The following PROCR variants were observed in gnomAD, a reference collection of about 807,000 sequenced individuals.
PROCR encodes protein C receptor.
A neutral mutation model predicts 24.2 loss-of-function variants in PROCR; 22 were observed. The observed-to-expected ratio is 0.91, with a 90% CI of 0.65 to 1.30. The LOEUF is 1.30. Among genes scored for constraint, PROCR ranks in the 50% most tolerant of loss-of-function variants. The pLI is 0.00. For missense variants in PROCR, 288 were observed against 307.7 expected (o/e 0.94, Z 0.48); for synonymous variants, 137 against 139.2 (o/e 0.98, Z 0.11).
chr20:35,177,381 T>C (rs2086031200), downstream of PROCR: 1 of 983,550 alleles, frequency 1.0e-6, no homozygotes, highest in Non-Finnish European at 1.2e-6. Flanking sequence ...TCCTCCACTT[T>C]GCAAAATTTC....
At chr20:35,176,127 C>T (rs1182284534) in intron 2 of PROCR, 41 bp from the exon 3 acceptor site, 1 of 1,598,818 alleles carries the variant, frequency 6.3e-7, no homozygotes, top group Non-Finnish European at 8.6e-7. Context: ...CACCTGGCAC[C>T]CTCTCTGCAC....
intron 1 of PROCR, among the ~76,000 whole-genome samples, chr20:35,209,396 C>G (rs916185418): frequency 6.6e-6 from 1 of 151,928 alleles, no homozygotes; most frequent in Non-Finnish European, 1.5e-5. Context: ...GGGAATCCCA[C>G]GAGACATTAA....
At chr20:35,183,359 C>T (rs1347624181) in intron 1 of PROCR, among the ~76,000 whole-genome samples, 2 of 152,020 alleles carry the variant, frequency 1.3e-5, no homozygotes, top group Non-Finnish European at 2.9e-5. Flanking sequence ...CACATGAGAT[C>T]TCGTTGTTTA....
At chr20:35,171,800 A>G (rs2085952650), upstream of PROCR, among the ~76,000 whole-genome samples, 1 of 152,008 alleles carries the variant, frequency 6.6e-6, no homozygotes, top group African/African-American at 2.4e-5. Context: ...CCCCTGAGTC[A>G]GCGCCGGCAG....
At chr20:35,181,024 G>A (rs2086073873), downstream of PROCR, among the ~76,000 whole-genome samples, 2 of 151,650 alleles carry the variant, frequency 1.3e-5, no homozygotes, top group South Asian at 2.1e-4. Flanking sequence ...GTGCCACCAC[G>A]CCCGGCTAAT....
intron 2 of PROCR, among the ~76,000 whole-genome samples, chr20:35,175,296 G>A (rs2086000621): frequency 6.6e-6 from 1 of 150,970 alleles, no homozygotes; most frequent in African/African-American, 2.4e-5. Flanking sequence ...ATAGATCTCC[G>A]TCCTTCCCTT....
At position 35,199,504 on chromosome 20, in the gene PROCR, A is replaced by G. The variant is rs1257282263; in HGVS notation, c.95-16389A>G. ...AGTGGCTCACGCCTGTAATCCCAGC[A>G]CTTTGAGAGGCCGAGGTGGGCGGAT... On this transcript the variant is annotated intron_variant, in intron 1 of 1. Transcript: ENST00000634509. Among the ~76,000 whole-genome samples, 3 of 152,148 alleles carry G rather than the reference A, an allele frequency of 2.0e-5. No homozygotes were observed. The East Asian group carries it at 5.8e-4, about 29-fold the overall frequency.
chr20:35,179,407 A>G (rs544792900), downstream of PROCR, among the ~76,000 whole-genome samples: 1 of 151,986 alleles, frequency 6.6e-6, no homozygotes, highest in African/African-American at 2.4e-5. Flanking sequence ...TTAGCTGGGC[A>G]TGGTGGTGTG....
At chr20:35,212,225 G>T (rs1437091950) in intron 1 of PROCR, among the ~76,000 whole-genome samples, 1 of 152,120 alleles carries the variant, frequency 6.6e-6, no homozygotes, top group Non-Finnish European at 1.5e-5. Context: ...AAAAGAGATG[G>T]CAGTGGAAGG....
At chr20:35,210,162 G>C (rs991079172) in intron 1 of PROCR, among the ~76,000 whole-genome samples, 2 of 152,084 alleles carry the variant, frequency 1.3e-5, no homozygotes. Context: ...GGAGTTCAAG[G>C]CTGCAGTGAG....
chr20:35,188,950 C>CTCT, intron 1 of PROCR, among the ~76,000 whole-genome samples: 1 of 152,306 alleles, frequency 6.6e-6, no homozygotes, highest in Non-Finnish European at 1.5e-5. Context: ...TTACTTTAAT[C>CTCT]TCTTAATCCC....
At chr20:35,200,246 C>G (rs1395968563) in intron 1 of PROCR, among the ~76,000 whole-genome samples, 1 of 152,138 alleles carries the variant, frequency 6.6e-6, no homozygotes, top group Admixed American at 6.5e-5. Flanking sequence ...AGGATTGACT[C>G]CAATTTTGAA....
intron 1 of PROCR, chr20:35,215,787 G>A: frequency 1.3e-6 from 1 of 795,384 alleles, no homozygotes; most frequent in African/African-American, 1.9e-5. Context: ...TTCATTGACT[G>A]TTAGCTGCTG....
At chr20:35,199,963 G>T (rs1228631940) in intron 1 of PROCR, among the ~76,000 whole-genome samples, 3 of 152,146 alleles carry the variant, frequency 2.0e-5, no homozygotes, top group African/African-American at 4.8e-5. Context: ...ACTTTGAGAG[G>T]TTCAAGTCTT....
intron 1 of PROCR, among the ~76,000 whole-genome samples, chr20:35,183,562 C>T (rs777253576): frequency 2.2e-4 from 33 of 152,130 alleles, no homozygotes; most frequent in Non-Finnish European, 4.3e-4. Flanking sequence ...ATAAATTAGC[C>T]ACTTGCAGGT....
intron 1 of PROCR, among the ~76,000 whole-genome samples, chr20:35,200,671 G>A (rs6142321): frequency 0.38 from 58,278 of 151,682 alleles, 12,448 homozygotes; most frequent in East Asian, 0.64. Context: ...CTTTTTAGAC[G>A]AACTCTTTGC....
intron 1 of PROCR, among the ~76,000 whole-genome samples, chr20:35,208,972 C>A (rs4911480): frequency 0.7 from 106,741 of 151,962 alleles, 37,796 homozygotes; most frequent in Middle Eastern, 0.8. Flanking sequence ...ACTCCATCCC[C>A]AAAAAATAAA....
At chr20:35,175,202 T>C (rs974847001) in intron 2 of PROCR, among the ~76,000 whole-genome samples, 2 of 151,906 alleles carry the variant, frequency 1.3e-5, no homozygotes, top group South Asian at 4.2e-4. Flanking sequence ...ATAGACCCTG[T>C]TGGAAGGCCC....
At chr20:35,184,652 A>T (rs570551568) in intron 1 of PROCR, among the ~76,000 whole-genome samples, 1 of 152,292 alleles carries the variant, frequency 6.6e-6, no homozygotes, top group South Asian at 2.1e-4. Context: ...GTGAGCTGAG[A>T]TGACGCCACT....
Sources: allele counts gnomAD v4.1 joint callset (sites outside exome capture counted in the v4.1 genomes callset), GRCh38; gene constraint gnomAD v4.1.1; transcripts MANE v1.5; gene names NCBI Gene and HGNC (gene_info 2026-07-23, HGNC 2026-07-21).